FBXL2: variants seen among roughly 807,000 people sequenced by gnomAD.
FBXL2 encodes the protein F-box/LRR-repeat protein 2.
A neutral mutation model predicts 69.2 loss-of-function variants in FBXL2; 38 were observed. The ratio of observed to expected loss-of-function variants is 0.55; its 90% confidence interval spans 0.42 to 0.72. FBXL2 has a LOEUF of 0.72. Ranked by LOEUF, FBXL2 falls within the 30% of genes least tolerant of loss-of-function variation. The probability of loss-of-function intolerance (pLI) is 0.00; values close to 1 mark genes in which losing one functional copy is unlikely to be tolerated. For synonymous variants in FBXL2, 192 were observed against 201.3 expected, an observed-to-expected ratio of 0.95 and a Z score of 0.39; for missense variants, 354 against 520.3, an observed-to-expected ratio of 0.68 and a Z score of 3.11.
the FBXL2 span, among the ~76,000 whole-genome samples, chr3:33,414,605 C>G: frequency 6.6e-4 from 100 of 152,270 alleles, no homozygotes; most frequent in Middle Eastern, 6.8e-3. Context: ...AAATAAAACT[C>G]TAGAAATTTG....
At chr3:33,369,607 CATT>C (rs1457915998) in intron 5 of FBXL2, among the ~76,000 whole-genome samples, 2 of 151,638 alleles carry the variant, frequency 1.3e-5, no homozygotes, top group Non-Finnish European at 2.9e-5. Context: ...TTATTATTAT[CATT>C]ATTATCATTA....
rs530619669 is a variant in FBXL2, at chr3:33,364,796, A to T, written c.290+77A>T. On this transcript the variant is annotated intron_variant, in intron 5 of 14. Coordinates refer to ENST00000484457, the MANE Select transcript of FBXL2 (RefSeq NM_012157.5). ...AGCAAAAATAAACCAAGCCTATTACATGCTCTTCTTCTGTTAAAATTCTTT... is the reference window on the plus strand; with the variant it reads ...AGCAAAAATAAACCAAGCCTATTACTTGCTCTTCTTCTGTTAAAATTCTTT... 7 of 1,184,310 alleles carry T rather than the reference A, an allele frequency of 5.9e-6. No homozygotes were observed. The East Asian group carries it at 1.6e-4, about 28-fold the overall frequency. 73.4% of individuals were successfully genotyped at this position (1,184,310 alleles called of 1,614,324 possible).
intron 12 of FBXL2, among the ~76,000 whole-genome samples, chr3:33,399,978 G>C (rs1249328504): frequency 6.6e-6 from 1 of 152,170 alleles, no homozygotes; most frequent in Admixed American, 6.5e-5. Context: ...ACTGCTGACT[G>C]AACCAATGTC....
intron 13 of FBXL2, chr3:33,378,984 T>A: frequency 1.5e-6 from 1 of 684,982 alleles, no homozygotes; most frequent in Non-Finnish European, 2.3e-6. Context: ...GTTGGGGAAC[T>A]CTACCAAACA....
At chr3:33,373,210 G>A (rs1023643084) in intron 6 of FBXL2, 50 bp downstream of exon 6, 1 of 1,610,928 alleles carries the variant, frequency 6.2e-7, no homozygotes, top group Non-Finnish European at 8.5e-7. Context: ...GGAGAGAGAA[G>A]GGAGAGAAAC....
intron 2 of FBXL2, among the ~76,000 whole-genome samples, chr3:33,339,082 A>C (rs896026670): frequency 6.6e-6 from 1 of 152,206 alleles, no homozygotes; most frequent in Admixed American, 6.5e-5. Flanking sequence ...ATTCACAAAC[A>C]AACAAACAAA....
chr3:33,391,538 C>T (rs1426528728), downstream of FBXL2: 1 of 152,194 alleles, frequency 6.6e-6, no homozygotes, highest in Non-Finnish European at 1.5e-5. Context: ...TAGTCAACTG[C>T]CTACTTGACA....
Position 33,383,480 on chromosome 3 carries a change from A to T in FBXL2, c.952-509A>T, listed in dbSNP as rs564278155. ...TGTCAGATCACACTGTTCAAGGTCT[A>T]TTTGATTATAACCTTCAAAGATGCT... On this transcript the variant is annotated intron_variant, in intron 13 of 14. Coordinates refer to ENST00000484457, the MANE Select transcript of FBXL2 (RefSeq NM_012157.5). 55 of 171,276 alleles carry T rather than the reference A, an allele frequency of 3.2e-4. 2 individuals are homozygous for T. In the South Asian group the frequency reaches 5.0e-3, roughly 16 times the overall value. 10.6% of individuals were successfully genotyped at this position (171,276 alleles called of 1,614,324 possible).
intron 13 of FBXL2, 26 bp downstream of exon 13, chr3:33,378,767 T>C (rs1230267757): frequency 2.5e-6 from 4 of 1,614,128 alleles, no homozygotes; most frequent in Non-Finnish European, 3.4e-6. Context: ...TCTGACATTA[T>C]TCACCTGTTA....
intron 2 of FBXL2, among the ~76,000 whole-genome samples, chr3:33,304,898 A>G (rs2036583645): frequency 6.6e-6 from 1 of 151,980 alleles, no homozygotes; most frequent in Admixed American, 6.6e-5. Context: ...GATTCTAGTA[A>G]TGTTGAGCAT....
chr3:33,370,653 T>A (rs1322673247), intron 5 of FBXL2, among the ~76,000 whole-genome samples: 1 of 151,838 alleles, frequency 6.6e-6, no homozygotes, highest in African/African-American at 2.4e-5. Flanking sequence ...TCTCACTCTG[T>A]CACCCAGGGT....
chr3:33,368,712 G>C (rs950453839), intron 5 of FBXL2, among the ~76,000 whole-genome samples: 12 of 151,614 alleles, frequency 7.9e-5, no homozygotes, highest in African/African-American at 2.9e-4. Context: ...TCAGCCTTCC[G>C]AGTAGCTGGG....
intron 2 of FBXL2, among the ~76,000 whole-genome samples, chr3:33,298,562 T>C (rs1272676974): frequency 2.0e-5 from 3 of 151,730 alleles, no homozygotes; most frequent in Non-Finnish European, 4.4e-5. Context: ...TAATCCCAGC[T>C]ACTGGGGAGG....
downstream of FBXL2, among the ~76,000 whole-genome samples, chr3:33,408,246 T>C (rs1421159079): frequency 6.6e-6 from 1 of 152,210 alleles, no homozygotes; most frequent in African/African-American, 2.4e-5. Flanking sequence ...TGCCATCATC[T>C]AACTGTCCAC....
chr3:33,409,209 C>T, the FBXL2 span: 15 of 1,608,374 alleles, frequency 9.3e-6, 1 homozygote, highest in South Asian at 1.5e-4. Context: ...TGCTTCTCTT[C>T]CAAAACCAAA....
At chr3:33,345,180 G>T (rs1442990830) in intron 2 of FBXL2, among the ~76,000 whole-genome samples, 1 of 152,202 alleles carries the variant, frequency 6.6e-6, no homozygotes, top group East Asian at 1.9e-4. Context: ...GCATGGTTAT[G>T]CCCCCTCTGA....
intron 2 of FBXL2, among the ~76,000 whole-genome samples, chr3:33,350,440 T>TA (rs1382421074): frequency 6.6e-6 from 1 of 151,708 alleles, no homozygotes; most frequent in Non-Finnish European, 1.5e-5. Flanking sequence ...ATAATTTTTT[T>TA]TTTTTTTTTA....
At chr3:33,393,545 C>G (rs2043851997) in intron 12 of FBXL2, 2 of 1,260,328 alleles carry the variant, frequency 1.6e-6, no homozygotes, top group Admixed American at 6.2e-5. Context: ...GAAGGTCACA[C>G]CTTTCAAAGT....
In FBXL2 at chr3:33,364,735, T is replaced by C; in HGVS notation, c.290+16T>C. ...CCTCCTTGAAGTAAGTCAAATCCAG[T>C]GACTCACTGTCATGGCAGCTTGTAG... is the stretch of plus-strand genomic sequence containing the variant. On this transcript the variant is annotated intron_variant, in intron 5 of 14. Coordinates refer to ENST00000484457, the MANE Select transcript of FBXL2 (RefSeq NM_012157.5). 1 of 1,598,446 alleles carries C rather than the reference T, an allele frequency of 6.3e-7. No individual in the cohort carries two copies. The highest frequency in any genetic ancestry group is 8.6e-7 in the Non-Finnish European group (1 of 1,165,734).
Sources: gnomAD v4.1 joint callset for allele counts (sites outside exome capture counted in the v4.1 genomes callset) on GRCh38, gnomAD v4.1.1 for gene constraint, MANE v1.5 for transcripts, NCBI Gene and HGNC (gene_info 2026-07-23, HGNC 2026-07-21) for gene names.